The following FAT3 variants were observed in gnomAD, a reference collection of about 807,000 sequenced individuals.
FAT3 encodes the protein protocadherin Fat 3.
In FAT3, 95 loss-of-function variants were observed where a neutral mutation model predicts 310.2. That is an observed-to-expected ratio of 0.31 (90% CI 0.26 to 0.36). The LOEUF is 0.36. Among genes scored for constraint, FAT3 ranks in the 10% least tolerant of loss-of-function variants. FAT3 has a pLI of 1.00. For synonymous variants in FAT3, 2,314 were observed against 2,192.9 expected, an observed-to-expected ratio of 1.06 and a Z score of -1.54; for missense variants, 5,408 against 5,715.6, an observed-to-expected ratio of 0.95 and a Z score of 1.74.
chr11:92,792,842 A>G lies in FAT3; in HGVS notation c.4687A>G (p.Ser1563Gly). 6.2e-7 allele frequency: 1 copy of G among 1,613,914 alleles called. No homozygotes were observed. The highest frequency in any genetic ancestry group is 1.1e-5 in the South Asian group (1 of 91,088). The change falls in exon 9 of 28, where the codon AGT becomes GGT. Residue 1563 changes from serine (S) to glycine (G), a missense_variant. This residue lies in a region of FAT3 where 4,588 missense variants were observed against 4,809.8 expected (regional missense o/e 0.95). Transcript: ENST00000525166. Reference sequence around the variant, plus strand: ...GAATGTGGAGGATGCTAATGATCACAGTCCTTATTTTACCAACCCACTGTA... The same window carrying G: ...GAATGTGGAGGATGCTAATGATCACGGTCCTTATTTTACCAACCCACTGTA... ...IVNVEDANDHSPYFTNPLYEA... is the reference protein window; with the variant it reads ...IVNVEDANDHGPYFTNPLYEA...
chr11:92,411,827 T>A (rs1452190593), intron 2 of FAT3, among the ~76,000 whole-genome samples: 1 of 151,834 alleles, frequency 6.6e-6, no homozygotes, highest in Non-Finnish European at 1.5e-5. Flanking sequence ...GAATTGTGAA[T>A]CATGGTGATC....
chr11:92,432,008 T>C (rs1472847868), intron 2 of FAT3, among the ~76,000 whole-genome samples: 1 of 152,150 alleles, frequency 6.6e-6, no homozygotes, highest in African/African-American at 2.4e-5. Context: ...ATATGAACTT[T>C]AAGTAGTTTT....
chr11:92,661,561 CTT>C (rs376966670), intron 3 of FAT3, among the ~76,000 whole-genome samples: 1 of 146,612 alleles, frequency 6.8e-6, no homozygotes. Flanking sequence ...GTGTGGAGTG[CTT>C]TTTTTTTTGC....
chr11:92,590,785 A>G (rs1393719301), intron 3 of FAT3, among the ~76,000 whole-genome samples: 8 of 152,152 alleles, frequency 5.3e-5, no homozygotes. Context: ...AGAAGGAGAT[A>G]TGTGTAGCAG....
At chr11:92,771,465 G>A (rs939034102) in intron 6 of FAT3, among the ~76,000 whole-genome samples, 2 of 152,130 alleles carry the variant, frequency 1.3e-5, no homozygotes, top group African/African-American at 2.4e-5. Flanking sequence ...TGCTGGTCTG[G>A]ATTCTGTGTC....
chr11:92,383,520 T>C (rs1949549035), intron 2 of FAT3, among the ~76,000 whole-genome samples: 1 of 152,212 alleles, frequency 6.6e-6, no homozygotes, highest in Non-Finnish European at 1.5e-5. Context: ...CATGTGAACA[T>C]TTGGCTAGAA....
intron 7 of FAT3, among the ~76,000 whole-genome samples, chr11:92,783,680 A>G (rs915425429): frequency 3.3e-5 from 5 of 150,866 alleles, no homozygotes; most frequent in African/African-American, 1.2e-4. Flanking sequence ...GGTGCAGTCC[A>G]ATTGTCCCAG....
Position 92,376,706 on chromosome 11 carries a change from A to T in FAT3, c.3292+21302A>T, listed in dbSNP as rs552493694. 2.9e-4 allele frequency among the ~76,000 whole-genome samples: 44 copies of T among 152,192 alleles called. No homozygotes were observed. The South Asian group carries it at 8.7e-3, about 30-fold the overall frequency. On this transcript the variant is annotated intron_variant, in intron 2 of 27. Coordinates refer to ENST00000525166, the MANE Select transcript of FAT3 (RefSeq NM_001367949.2). ...TCTCAAATGGATCCCAGAATCCCTC[A>T]CTTTGGATAGTGGTTGTGGTTTTAT...
At position 92,542,618 on chromosome 11, in the gene FAT3, T is replaced by C. The variant is rs1390942129; in HGVS notation, c.3607+17670T>C. 2.0e-5 allele frequency among the ~76,000 whole-genome samples: 3 copies of C among 151,842 alleles called. 1 individual carries two copies. Among genetic ancestry groups the C allele is most frequent in the Middle Eastern group, 6.3e-3 (2 of 316 alleles). On this transcript the variant is annotated intron_variant, in intron 3 of 27. Transcript: ENST00000525166. ...TCAACATTACTTATCATCAGAGAAA[T>C]GCAAATTGAGATATCACCCCACCCC... is the stretch of plus-strand genomic sequence containing the variant.
intron 2 of FAT3, among the ~76,000 whole-genome samples, chr11:92,484,492 C>G (rs955899967): frequency 6.6e-6 from 1 of 152,110 alleles, no homozygotes; most frequent in Non-Finnish European, 1.5e-5. Context: ...CAAAATCGTT[C>G]TGGGAAAGGG....
intron 13 of FAT3, among the ~76,000 whole-genome samples, chr11:92,820,623 C>A (rs1465130234): frequency 6.6e-6 from 1 of 152,022 alleles, no homozygotes; most frequent in African/African-American, 2.4e-5. Flanking sequence ...TGAAAATGGA[C>A]CCACCCTCCA....
intron 3 of FAT3, among the ~76,000 whole-genome samples, chr11:92,525,430 G>A (rs1178204233): frequency 6.6e-6 from 1 of 152,136 alleles, no homozygotes. Context: ...AGAACTTCCA[G>A]TGTCTCAATT....
chr11:92,604,908 C>T (rs559491071), intron 3 of FAT3, among the ~76,000 whole-genome samples: 8 of 152,310 alleles, frequency 5.3e-5, no homozygotes, highest in Admixed American at 4.6e-4. Context: ...ATTATTTAAC[C>T]ATTTTGAGTT....
intron 4 of FAT3, among the ~76,000 whole-genome samples, chr11:92,719,658 A>AT (rs1347335536): frequency 1.3e-5 from 2 of 151,380 alleles, no homozygotes; most frequent in Non-Finnish European, 2.9e-5. Context: ...TTCTCCAAAT[A>AT]TTTTTTATCC....
chr11:92,464,333 T>G (rs1404853978), intron 2 of FAT3, among the ~76,000 whole-genome samples: 1 of 152,166 alleles, frequency 6.6e-6, no homozygotes, highest in Non-Finnish European at 1.5e-5. Flanking sequence ...GCCCACAGAG[T>G]AAGTTTCATC....
At chr11:92,410,058 G>C (rs1159968153) in intron 2 of FAT3, among the ~76,000 whole-genome samples, 1 of 152,086 alleles carries the variant, frequency 6.6e-6, no homozygotes, top group Non-Finnish European at 1.5e-5. Flanking sequence ...AAAAATGTAA[G>C]GAATTTTAAA....
intron 3 of FAT3, among the ~76,000 whole-genome samples, chr11:92,531,762 T>C (rs984815362): frequency 6.7e-6 from 1 of 148,812 alleles, no homozygotes; most frequent in Non-Finnish European, 1.5e-5. Flanking sequence ...TATAGCTTCA[T>C]TTTTTTTTTC....
rs554464786 is a variant in FAT3, at chr11:92,594,979, A to G, written c.3607+70031A>G. ...GGTGCTCATTCATATATATGAATAC[A>G]TATAGACTCATGAATAAATGTGTGT... On this transcript the variant is annotated intron_variant, in intron 3 of 27. Transcript: ENST00000525166. Among the ~76,000 whole-genome samples, 85 of 147,754 alleles carry G rather than the reference A, an allele frequency of 5.8e-4. No homozygotes were observed. The East Asian group carries it at 0.016, about 27-fold the overall frequency.
At chr11:92,233,514 T>C (rs1056131034) in intron 1 of FAT3, among the ~76,000 whole-genome samples, 4 of 152,212 alleles carry the variant, frequency 2.6e-5, no homozygotes, top group African/African-American at 9.6e-5. Context: ...ATAAATGTGG[T>C]GTCTGACCCT....
Sources: gnomAD v4.1 joint callset for allele counts (sites outside exome capture counted in the v4.1 genomes callset) on GRCh38, gnomAD v4.1.1 for gene constraint, gnomAD v4.1.1 regional missense constraint, MANE v1.5 for transcripts, NCBI Gene and HGNC (gene_info 2026-07-23, HGNC 2026-07-21) for gene names.